The following ACYP2 variants were observed in gnomAD, a reference collection of about 807,000 sequenced individuals.
ACYP2 encodes the protein acylphosphatase-2.
In ACYP2, 12 loss-of-function variants were observed where a neutral mutation model predicts 11.2. The ratio of observed to expected loss-of-function variants is 1.08; its 90% CI spans 0.69 to 1.74. ACYP2 has a LOEUF of 1.74. Ranked by LOEUF, ACYP2 falls within the 40% of genes most tolerant of loss-of-function variation. ACYP2 has a pLI of 0.00. For synonymous variants in ACYP2, 43 were observed against 32.2 expected (o/e 1.33, Z -1.13); for missense variants, 134 against 101.9 (o/e 1.31, Z -1.35).
At chr2:54,088,697 AT>A (rs1229495313) in intron 4 of ACYP2, among the ~76,000 whole-genome samples, 1 of 152,246 alleles carries the variant, frequency 6.6e-6, no homozygotes, top group East Asian at 1.9e-4. Context: ...TATTCTAATT[AT>A]TGAATTGAGA....
At chr2:54,206,147 C>T (rs988842252) in intron 6 of ACYP2, among the ~76,000 whole-genome samples, 4 of 152,176 alleles carry the variant, frequency 2.6e-5, no homozygotes, top group Non-Finnish European at 5.9e-5. Flanking sequence ...TGCCTCCTCA[C>T]CCTCTTATAC....
intron 6 of ACYP2, among the ~76,000 whole-genome samples, chr2:54,166,087 T>C (rs1483902387): frequency 4.6e-5 from 7 of 152,166 alleles, no homozygotes; most frequent in Non-Finnish European, 1.5e-5. Context: ...TGGTGCCTCA[T>C]TCTTAATGCT....
At chr2:53,986,342 C>CT (rs61669504) in intron 2 of ACYP2, among the ~76,000 whole-genome samples, 98 of 142,474 alleles carry the variant, frequency 6.9e-4, no homozygotes, top group Non-Finnish European at 8.7e-4. Flanking sequence ...AAGTAAACCT[C>CT]TTTTTTTTTT....
chr2:54,018,510 TA>T (rs148037501), intron 2 of ACYP2, among the ~76,000 whole-genome samples: 32,669 of 148,478 alleles, frequency 0.22, 3,835 homozygotes, highest in African/African-American at 0.33. Flanking sequence ...AGGCACAGGT[TA>T]AAAAAAAAAG....
At chr2:54,204,425 C>A (rs1226685808) in intron 6 of ACYP2, among the ~76,000 whole-genome samples, 2 of 151,836 alleles carry the variant, frequency 1.3e-5, no homozygotes, top group African/African-American at 2.4e-5. Flanking sequence ...GATTGGACAC[C>A]CCTGGATTAT....
chr2:54,126,942 G>A (rs1254710406), intron 4 of ACYP2, among the ~76,000 whole-genome samples: 19 of 127,908 alleles, frequency 1.5e-4, no homozygotes, highest in Admixed American at 4.1e-4. Flanking sequence ...TGACAAGAGC[G>A]AAACTCCGTC....
chr2:54,132,744 AT>A (rs35059715), intron 4 of ACYP2, among the ~76,000 whole-genome samples: 14,802 of 136,134 alleles, frequency 0.11, 538 homozygotes, highest in Non-Finnish European at 0.13. Context: ...CAATTGAATG[AT>A]TTTTTTTTTT....
At chr2:54,161,094 AGT>A (rs1682690906) in intron 6 of ACYP2, among the ~76,000 whole-genome samples, 1 of 152,206 alleles carries the variant, frequency 6.6e-6, no homozygotes, top group Admixed American at 6.5e-5. Context: ...AAGTTCCAGC[AGT>A]GTGAGTTCAT....
At chr2:54,024,314 C>T (rs184990277) in intron 2 of ACYP2, among the ~76,000 whole-genome samples, 2 of 152,182 alleles carry the variant, frequency 1.3e-5, no homozygotes, top group East Asian at 1.9e-4. Context: ...TGCATTCAGC[C>T]GAGATCCCGT....
At chr2:54,117,573 C>T (rs1413133244) in intron 4 of ACYP2, among the ~76,000 whole-genome samples, 1 of 152,132 alleles carries the variant, frequency 6.6e-6, no homozygotes, top group Non-Finnish European at 1.5e-5. Flanking sequence ...GGATTACAGG[C>T]GTGAGCCACT....
chr2:54,010,831 G>C (rs998937833), intron 2 of ACYP2, among the ~76,000 whole-genome samples: 1 of 142,406 alleles, frequency 7.0e-6, no homozygotes, highest in African/African-American at 2.7e-5. Flanking sequence ...ACTACACCTG[G>C]CTAATTTTTG....
At chr2:54,001,594 A>G (rs1047533771) in intron 2 of ACYP2, among the ~76,000 whole-genome samples, 3 of 152,080 alleles carry the variant, frequency 2.0e-5, no homozygotes, top group East Asian at 1.9e-4. Context: ...GGGTTTCACT[A>G]TGTTGGCTTC....
chr2:54,229,051 A>G (rs1424830767), intron 6 of ACYP2, among the ~76,000 whole-genome samples: 1 of 152,188 alleles, frequency 6.6e-6, no homozygotes, highest in African/African-American at 2.4e-5. Flanking sequence ...GGGTTAATGT[A>G]ATAGATTCAG....
chr2:54,234,813 A>T (rs1207469486), intron 6 of ACYP2, among the ~76,000 whole-genome samples: 2 of 152,216 alleles, frequency 1.3e-5, no homozygotes, highest in Admixed American at 1.3e-4. Context: ...TTGACCCCAC[A>T]AAGTTTTTGT....
chr2:54,042,418 C>T (rs920498152), intron 2 of ACYP2, among the ~76,000 whole-genome samples: 6 of 152,168 alleles, frequency 3.9e-5, no homozygotes, highest in African/African-American at 1.4e-4. Flanking sequence ...AGGAGCAAAT[C>T]TTATATCATA....
At chr2:54,237,622 T>C (rs1314574698) in intron 6 of ACYP2, among the ~76,000 whole-genome samples, 1 of 152,242 alleles carries the variant, frequency 6.6e-6, no homozygotes, top group East Asian at 1.9e-4. Context: ...AGAAGTCAGC[T>C]GTCAGTCTGA....
chr2:54,076,338 A>G (rs1026556128), intron 4 of ACYP2, among the ~76,000 whole-genome samples: 2 of 152,196 alleles, frequency 1.3e-5, no homozygotes, highest in Non-Finnish European at 2.9e-5. Context: ...TTACTTACAC[A>G]ATTAGCAATT....
chr2:54,166,058 CCCTGGT>C (rs954622438), intron 6 of ACYP2, among the ~76,000 whole-genome samples: 1 of 152,090 alleles, frequency 6.6e-6, no homozygotes, highest in African/African-American at 2.4e-5. Context: ...CAATATCAGA[CCCTGGT>C]CCATTGGCTT....
intron 6 of ACYP2, among the ~76,000 whole-genome samples, chr2:54,219,965 C>T (rs1246437681): frequency 6.9e-6 from 1 of 144,006 alleles, no homozygotes; most frequent in Non-Finnish European, 1.5e-5. Context: ...TGGTCTCCAA[C>T]TCCTGACCTC....
Sources: allele counts gnomAD v4.1 joint callset (sites outside exome capture counted in the v4.1 genomes callset), GRCh38; gene constraint gnomAD v4.1.1; transcripts MANE v1.5; gene names NCBI Gene and HGNC (gene_info 2026-07-23, HGNC 2026-07-21).